PRR7: variants seen among roughly 807,000 people sequenced by gnomAD.
PRR7 encodes the protein proline-rich protein 7.
In PRR7, 8 loss-of-function variants were observed where a neutral mutation model predicts 18.5. That is an observed-to-expected ratio of 0.43 (90% CI 0.25 to 0.78). The LOEUF (loss-of-function observed/expected upper bound fraction) is 0.78. Among genes scored for constraint, PRR7 ranks in the 30% least tolerant of loss-of-function variants. The pLI is 0.22. For missense variants in PRR7, 396 were observed against 403.1 expected, an observed-to-expected ratio of 0.98 and a Z score of 0.15; for synonymous variants, 221 against 187.7, an observed-to-expected ratio of 1.18 and a Z score of -1.45.
At position 177,455,994 on chromosome 5, in the gene PRR7, C is replaced by A. The variant is rs1456210015; in HGVS notation, c.698C>A (p.Ala233Asp). ...APPCPALCLQ[A>D]DRGRRVFPSW... ...CCCTGCCCAGCCCTCTGCCTGCAGG[C>A]CGACCGTGGCCGCCGGGTCTTCCCC... is the stretch of plus-strand genomic sequence containing the variant. Residue 233 changes from alanine to aspartate, a missense_variant, in exon 4 of 4, where the codon GCC becomes GAC. This residue lies in a region of PRR7 where 383 missense variants were observed against 372.6 expected (regional missense o/e 1.03). Transcript: ENST00000323249. The surrounding 1 kb of genome is among the most constrained non-coding windows in gnomAD (Gnocchi z 6.9). 6 of 1,582,406 alleles carry A rather than the reference C, an allele frequency of 3.8e-6. No individual in the cohort carries two copies. Among genetic ancestry groups the A allele is most frequent in the Non-Finnish European group, 5.1e-6 (6 of 1,169,218 alleles).
At chr5:177,446,088 G>C (rs1755867688), upstream of PRR7, 3 of 151,676 alleles carry the variant, frequency 2.0e-5, no homozygotes, top group South Asian at 6.2e-4. This position sits in a 1 kb window ranked among gnomAD's most constrained non-coding sequence, Gnocchi z 5.3. Flanking sequence ...AGGGGTTTTT[G>C]GCAAATCATC....
intron 1 of PRR7, among the ~76,000 whole-genome samples, chr5:177,447,941 C>G (rs1290941612): frequency 6.6e-6 from 1 of 152,214 alleles, no homozygotes; most frequent in Non-Finnish European, 1.5e-5. Flanking sequence ...CAGGGAGGCA[C>G]GCGCCACATG....
Position 177,455,914 on chromosome 5 carries a change from G to A in PRR7, c.618G>A (p.Leu206=), listed in dbSNP as rs761041020. The change falls in exon 4 of 4, where the codon CTG becomes CTA. Residue 206 remains leucine (L), a synonymous_variant. Transcript: ENST00000323249. This position sits in a 1 kb window ranked among gnomAD's most constrained non-coding sequence, Gnocchi z 6.9. ...CTCCCAGCTACAAGCCGCTCTTCCTGGACCGGGGCTACACCTCGGCGCTGC... is the reference window on the plus strand; with the variant it reads ...CTCCCAGCTACAAGCCGCTCTTCCTAGACCGGGGCTACACCTCGGCGCTGC... The part of the protein sequence containing the change: ...QPPPSYKPLF[L]DRGYTSALHL... The A allele has an allele frequency of 3.1e-6, 5 of 1,608,580 alleles. No homozygotes were observed. The South Asian group carries it at 5.5e-5, about 18-fold the overall frequency.
rs537117975 is a variant in PRR7, at chr5:177,451,231, C to T, written c.-324-2725C>T. Among the ~76,000 whole-genome samples the T allele has an allele frequency of 5.3e-5, 8 of 152,348 alleles. No individual in the cohort carries two copies. The South Asian group carries it at 6.2e-4, about 12-fold the overall frequency. On this transcript the variant is annotated intron_variant, in intron 1 of 3. Coordinates refer to ENST00000323249, the MANE Select transcript of PRR7 (RefSeq NM_030567.5). ...AGTGTGGGAGGTGCCCACAGCAATG[C>T]AGCCAGGCCCTGGCTCTGTGTGCCC...
intron 1 of PRR7, among the ~76,000 whole-genome samples, chr5:177,453,238 G>A (rs1161781812): frequency 6.6e-6 from 1 of 152,232 alleles, no homozygotes; most frequent in Non-Finnish European, 1.5e-5. Context: ...TTCTGACCCA[G>A]AGCTGTTCCT....
At position 177,450,129 on chromosome 5, in the gene PRR7, C is replaced by T. The variant is rs1425285404; in HGVS notation, c.-325+3169C>T. 6.6e-6 allele frequency among the ~76,000 whole-genome samples: 1 copy of T among 152,150 alleles called. No homozygotes were observed. The highest frequency in any genetic ancestry group is 1.9e-4 in the East Asian group (1 of 5,194). ...CACCTCCTGAGTTTTCCTTAGATAACTAGCATAGAGACCAGTAGTGGGCCT... is the reference window on the plus strand; with the variant it reads ...CACCTCCTGAGTTTTCCTTAGATAATTAGCATAGAGACCAGTAGTGGGCCT... On this transcript the variant is annotated intron_variant, in intron 1 of 3. Transcript: ENST00000323249. This position sits in a 1 kb window ranked among gnomAD's most constrained non-coding sequence, Gnocchi z 6.6.
At position 177,456,274 on chromosome 5, in the gene PRR7, T is replaced by G; in HGVS notation, c.*153T>G. Reference sequence around the variant, plus strand: ...TTGAGGATAATAAAGGTGTGTGATCTGGTTTGGTACAAGCGGAGGGTGCAC... The same window carrying G: ...TTGAGGATAATAAAGGTGTGTGATCGGGTTTGGTACAAGCGGAGGGTGCAC... On this transcript the variant is annotated 3_prime_UTR_variant, in exon 4 of 4. Coordinates refer to ENST00000323249, the MANE Select transcript of PRR7 (RefSeq NM_030567.5). The G allele has an allele frequency of 9.6e-7, 1 of 1,043,206 alleles. No homozygotes were observed. Among genetic ancestry groups the G allele is most frequent in the Non-Finnish European group, 1.3e-6 (1 of 764,398 alleles). 64.6% of individuals were successfully genotyped at this position (1,043,206 alleles called of 1,614,324 possible). A position where few individuals can be genotyped will look rare whatever the true frequency, so the allele number is the denominator to read the frequency against.
chr5:177,448,608 A>G (rs1379047393), intron 1 of PRR7, among the ~76,000 whole-genome samples: 1 of 152,146 alleles, frequency 6.6e-6, no homozygotes, highest in Admixed American at 6.5e-5. Flanking sequence ...TTCTTCCTTC[A>G]CTTTCCTCCA....
At chr5:177,452,044 T>C (rs1756189771) in intron 1 of PRR7, among the ~76,000 whole-genome samples, 1 of 152,184 alleles carries the variant, frequency 6.6e-6, no homozygotes, top group Non-Finnish European at 1.5e-5. Flanking sequence ...CCAGTGAGTG[T>C]GTGGCCCGAG....
rs1561668385 is a variant in PRR7 at position 177,450,732 on chromosome 5, A to G, written c.-324-3224A>G. ...GCAGGAGCTCATTCGGGAGGCCAGC[A>G]CCTAGGTCAGTGGTTCTCAAAGTGT... On this transcript the variant is annotated intron_variant, in intron 1 of 3. Transcript: ENST00000323249. The surrounding 1 kb of genome is among the most constrained non-coding windows in gnomAD (Gnocchi z 6.6). Among the ~76,000 whole-genome samples, 1 of 152,146 alleles carries G rather than the reference A, an allele frequency of 6.6e-6. No individual in the cohort carries two copies. Among genetic ancestry groups the G allele is most frequent in the Admixed American group, 6.5e-5 (1 of 15,282 alleles).
chr5:177,456,120 A>G lies in PRR7; in HGVS notation c.824A>G (p.Ter275TrpextTer50), dbSNP rs1168214948. The change falls in exon 4 of 4, where the codon TAG becomes TGG. Residue 275 changes from the stop codon to tryptophan (W), a stop_lost. Transcript: ENST00000323249. ...IPLFGRTTAV[*>W] ...TTGTTCGGGAGGACTACAGCCGTAT[A>G]GAGGGGCGCCCGGCGCCCCGGGCCC... is the stretch of plus-strand genomic sequence containing the variant. 1 of 1,408,024 alleles carries G rather than the reference A, an allele frequency of 7.1e-7. No individual in the cohort carries two copies. Among genetic ancestry groups the G allele is most frequent in the Non-Finnish European group, 9.2e-7 (1 of 1,085,968 alleles). The allele number at this position is 1,408,024 out of a possible 1,614,324, so 87.2% of individuals were successfully genotyped here. A position where few individuals can be genotyped will look rare whatever the true frequency, so the allele number is the denominator to read the frequency against.
At position 177,454,828 on chromosome 5, in the gene PRR7, G is replaced by A. The variant is rs1288709679; in HGVS notation, c.-239-1G>A. The A allele has an allele frequency of 3.2e-6, 1 of 308,976 alleles. No homozygotes were observed. The allele number at this position is 308,976 out of a possible 1,614,324, so 19.1% of individuals were successfully genotyped here. ...CACTGCGCCCCGTGTCTGCCCTACA[G>A]GTCCCGCGCGGCCCCGGGTGAGGCA... On this transcript the variant is annotated splice_acceptor_variant, in intron 2 of 3. Transcript: ENST00000323249. LOFTEE classifies it low-confidence loss of function (5UTR_SPLICE). This position sits in a 1 kb window ranked among gnomAD's most constrained non-coding sequence, Gnocchi z 4.7.
chr5:177,453,608 G>A (rs942753239), intron 1 of PRR7, among the ~76,000 whole-genome samples: 14 of 152,140 alleles, frequency 9.2e-5, no homozygotes, highest in Non-Finnish European at 1.5e-5. Context: ...GGCTCTCGAA[G>A]CAGTGTGTGT....
In PRR7 at chr5:177,450,709, A is replaced by T. The variant is rs1756139908; in HGVS notation, c.-324-3247A>T. ...TCAGGTGAGCCCCAGAGGCCTTGGC[A>T]GGAGCTCATTCGGGAGGCCAGCACC... On this transcript the variant is annotated intron_variant, in intron 1 of 3. Coordinates refer to ENST00000323249, the MANE Select transcript of PRR7 (RefSeq NM_030567.5). This position sits in a 1 kb window ranked among gnomAD's most constrained non-coding sequence, Gnocchi z 6.6. 6.6e-6 allele frequency among the ~76,000 whole-genome samples: 1 copy of T among 152,202 alleles called. No individual in the cohort carries two copies. Among genetic ancestry groups the T allele is most frequent in the Admixed American group, 6.5e-5 (1 of 15,282 alleles).
chr5:177,454,855 G>A lies in PRR7; in HGVS notation c.-213G>A, dbSNP rs1581706103. 2 of 470,122 alleles carry A rather than the reference G, an allele frequency of 4.3e-6. No individual in the cohort carries two copies. Among genetic ancestry groups the A allele is most frequent in the South Asian group, 1.1e-4 (1 of 9,432 alleles). 29.1% of individuals were successfully genotyped at this position (470,122 alleles called of 1,614,324 possible). A position where few individuals can be genotyped will look rare whatever the true frequency, so the allele number is the denominator to read the frequency against. ...TCCCGCGCGGCCCCGGGTGAGGCAC[G>A]CCCGCGCGCCCGCCGGCGCCATGGG... On this transcript the variant is annotated 5_prime_UTR_variant, in exon 3 of 4. Coordinates refer to ENST00000323249, the MANE Select transcript of PRR7 (RefSeq NM_030567.5). This position sits in a 1 kb window ranked among gnomAD's most constrained non-coding sequence, Gnocchi z 4.7.
At position 177,449,357 on chromosome 5, in the gene PRR7, A is replaced by G. The variant is rs1466069829; in HGVS notation, c.-325+2397A>G. ...TGCAGGGTGATCCCTCATCAGAGGG[A>G]GTTCTGTTGTCCCCTCGGCACCCTG... is the stretch of plus-strand genomic sequence containing the variant. On this transcript the variant is annotated intron_variant, in intron 1 of 3. Transcript: ENST00000323249. The surrounding 1 kb of genome is among the most constrained non-coding windows in gnomAD (Gnocchi z 4.2). Among the ~76,000 whole-genome samples, 1 of 152,050 alleles carries G rather than the reference A, an allele frequency of 6.6e-6. No homozygotes were observed. The highest frequency in any genetic ancestry group is 1.5e-5 in the Non-Finnish European group (1 of 68,016).
chr5:177,447,797 G>C (rs1012950141), intron 1 of PRR7: 1 of 152,306 alleles, frequency 6.6e-6, no homozygotes. Context: ...GCAGAGGAAA[G>C]GATATTGCTG....
At position 177,455,515 on chromosome 5, in the gene PRR7, G is replaced by A. The variant is rs777193178; in HGVS notation, c.427+21G>A. ...CCAAGGTGAGTACCGACCTCCGCCAGGGGGCGATCCGGGCCGCCGGAAGTG... is the reference window on the plus strand; with the variant it reads ...CCAAGGTGAGTACCGACCTCCGCCAAGGGGCGATCCGGGCCGCCGGAAGTG... On this transcript the variant is annotated intron_variant, in intron 3 of 3. Coordinates refer to ENST00000323249, the MANE Select transcript of PRR7 (RefSeq NM_030567.5). This position sits in a 1 kb window ranked among gnomAD's most constrained non-coding sequence, Gnocchi z 6.9. 9.1e-5 allele frequency: 133 copies of A among 1,462,286 alleles called. No homozygotes were observed. Among genetic ancestry groups the A allele is most frequent in the Admixed American group, 3.8e-4 (14 of 36,542 alleles). The allele number at this position is 1,462,286 out of a possible 1,614,324, so 90.6% of individuals were successfully genotyped here.
chr5:177,455,177 G>A lies in PRR7; in HGVS notation c.110G>A (p.Arg37His), dbSNP rs751333249. Reference sequence around the variant, plus strand: ...TGCTTCTGCAGCTTCCTGCGCCGCCGCCTCAAACGGCGCCAGGAGGAGCGA... The same window carrying A: ...TGCTTCTGCAGCTTCCTGCGCCGCCACCTCAAACGGCGCCAGGAGGAGCGA... Reference protein sequence around the residue: ...LCCFCSFLRRRLKRRQEERLR... With the variant: ...LCCFCSFLRRHLKRRQEERLR... Residue 37 changes from arginine to histidine, a missense_variant, in exon 3 of 4, where the codon CGC (arginine) becomes CAC (histidine). Arg to His is a conservative substitution (Grantham distance 29). This residue lies in a region of PRR7 where 383 missense variants were observed against 372.6 expected (regional missense o/e 1.03). Coordinates refer to ENST00000323249, the MANE Select transcript of PRR7 (RefSeq NM_030567.5). The surrounding 1 kb of genome is among the most constrained non-coding windows in gnomAD (Gnocchi z 6.9). 6.4e-7 allele frequency: 1 copy of A among 1,572,796 alleles called. No homozygotes were observed. Among genetic ancestry groups the A allele is most frequent in the Admixed American group, 1.8e-5 (1 of 55,628 alleles).
Sources: gnomAD v4.1 joint callset for allele counts (sites outside exome capture counted in the v4.1 genomes callset) on GRCh38, gnomAD v4.1.1 for gene constraint, gnomAD v4.1.1 regional missense constraint, Gnocchi (gnomAD v3.1) non-coding constraint, MANE v1.5 for transcripts, NCBI Gene and HGNC (gene_info 2026-07-23, HGNC 2026-07-21) for gene names.